The following SCAPER variants were observed in gnomAD, a reference collection of about 807,000 sequenced individuals.
The protein encoded by SCAPER is S-phase cyclin A associated protein in the ER, also known as S phase cyclin A-associated protein in the endoplasmic reticulum.
SCAPER carries 98 observed loss-of-function variants against 182.2 expected under a neutral mutation model. That is an observed-to-expected ratio of 0.54 (90% CI 0.46 to 0.64). The LOEUF (loss-of-function observed/expected upper bound fraction) is 0.64, where lower values mean the gene tolerates loss of function less well. Ranked by LOEUF, SCAPER falls within the 30% of genes least tolerant of loss-of-function variation. SCAPER has a pLI of 0.00. For synonymous variants in SCAPER, 605 were observed against 564.6 expected, an observed-to-expected ratio of 1.07 and a Z score of -1.01; for missense variants, 1,432 against 1,690.0, an observed-to-expected ratio of 0.85 and a Z score of 2.68.
chr15:76,804,376 A>G (rs569029745), intron 6 of SCAPER, among the ~76,000 whole-genome samples, 157 bp downstream of exon 6: 9 of 152,346 alleles, frequency 5.9e-5, no homozygotes, highest in Non-Finnish European at 1.0e-4. Flanking sequence ...TAATTACCCA[A>G]TAAATATTTG....
At chr15:76,572,699 C>T (rs1439074746) in intron 23 of SCAPER, among the ~76,000 whole-genome samples, 2 of 152,138 alleles carry the variant, frequency 1.3e-5, no homozygotes, top group African/African-American at 4.8e-5. Flanking sequence ...AATACAAATT[C>T]TCCAGACCCA....
chr15:76,637,807 T>C (rs1476769171), intron 21 of SCAPER, among the ~76,000 whole-genome samples: 1 of 143,128 alleles, frequency 7.0e-6, no homozygotes, highest in African/African-American at 2.5e-5. Flanking sequence ...TGTATGTATA[T>C]ATATATTCCA....
At chr15:76,812,880 T>G (rs1400289336) in intron 5 of SCAPER, among the ~76,000 whole-genome samples, 3 of 145,656 alleles carry the variant, frequency 2.1e-5, no homozygotes, top group African/African-American at 7.4e-5. Flanking sequence ...TTAGTATAAA[T>G]CCTTCTTAAA....
intron 23 of SCAPER, among the ~76,000 whole-genome samples, chr15:76,522,894 G>C (rs1377315759): frequency 1.3e-5 from 2 of 152,008 alleles, no homozygotes; most frequent in Non-Finnish European, 2.9e-5. Context: ...ATATGTTTCT[G>C]ACAAGTGATT....
At position 76,479,454 on chromosome 15, in the gene SCAPER, G is replaced by C. The variant is rs1002833135; in HGVS notation, c.2955-8119C>G. On this transcript the variant is annotated intron_variant, in intron 24 of 31. Transcript: ENST00000563290. ...CTGTCAAAAGTACCCTGTGGTTGGG[G>C]GTTTGAGATAAAGGCTTTCTGCTCC... 7.2e-4 allele frequency among the ~76,000 whole-genome samples: 109 copies of C among 152,208 alleles called. 1 individual carries two copies. Among genetic ancestry groups the C allele is most frequent in the Middle Eastern group, 6.8e-3 (2 of 294 alleles).
At chr15:76,868,922 G>C (rs897124116) in intron 2 of SCAPER, among the ~76,000 whole-genome samples, 2 of 152,156 alleles carry the variant, frequency 1.3e-5, no homozygotes, top group South Asian at 2.1e-4. Flanking sequence ...CAAACACACA[G>C]ACCAATGGAA....
chr15:76,667,454 T>C (rs745547036), intron 20 of SCAPER, among the ~76,000 whole-genome samples: 1 of 151,998 alleles, frequency 6.6e-6, no homozygotes, highest in Non-Finnish European at 1.5e-5. Flanking sequence ...GTATTACTCA[T>C]ACATAGAAAA....
rs146047853 is a variant in SCAPER at position 76,623,655 on chromosome 15, T to C, written c.2646-1826A>G. On this transcript the variant is annotated intron_variant, in intron 21 of 31. Transcript: ENST00000563290. The stretch of plus-strand genomic sequence containing the variant: ...TGCTCTCTTGGTTACTGTAGACTTA[T>C]AGTATAGTTTGAAATTGGGTAATGT... Among the ~76,000 whole-genome samples the C allele has an allele frequency of 5.1e-3, 778 of 152,332 alleles. 6 individuals carry two copies. The highest frequency in any genetic ancestry group is 8.5e-3 in the South Asian group (41 of 4,828).
At chr15:76,859,547 A>C (rs531518682) in intron 3 of SCAPER, among the ~76,000 whole-genome samples, 1 of 152,350 alleles carries the variant, frequency 6.6e-6, no homozygotes, top group Non-Finnish European at 1.5e-5. Flanking sequence ...TATTGTAGTC[A>C]TAAAACAAGA....
intron 21 of SCAPER, among the ~76,000 whole-genome samples, chr15:76,634,330 G>C (rs760014722): frequency 5.9e-5 from 9 of 152,178 alleles, no homozygotes; most frequent in Non-Finnish European, 1.0e-4. Flanking sequence ...GTCCCAATGA[G>C]AGAATCTTGG....
At chr15:76,595,606 C>G (rs940564642) in intron 22 of SCAPER, among the ~76,000 whole-genome samples, 1 of 121,810 alleles carries the variant, frequency 8.2e-6, no homozygotes, top group African/African-American at 2.5e-5. Context: ...GAAATCATAA[C>G]AAACAGTCTC....
At position 76,854,023 on chromosome 15, in the gene SCAPER, C is replaced by T. The variant is rs149877240; in HGVS notation, c.195+3786G>A. Among the ~76,000 whole-genome samples, 412 of 152,252 alleles carry T rather than the reference C, an allele frequency of 2.7e-3. 18 individuals are homozygous for T. The East Asian group carries it at 0.074, about 27-fold the overall frequency. Reference sequence around the variant, plus strand: ...ACTAGCATTCTTCCTGTAATCCCAGCACTTTGGGAGGCCGAGGCAGGCGGA... The same window carrying T: ...ACTAGCATTCTTCCTGTAATCCCAGTACTTTGGGAGGCCGAGGCAGGCGGA... On this transcript the variant is annotated intron_variant, in intron 4 of 31. Coordinates refer to ENST00000563290, the MANE Select transcript of SCAPER (RefSeq NM_020843.4).
At chr15:76,890,847 C>T (rs1055965817) in intron 1 of SCAPER, among the ~76,000 whole-genome samples, 9 of 152,154 alleles carry the variant, frequency 5.9e-5, no homozygotes, top group African/African-American at 1.9e-4. Flanking sequence ...ATACCAAAGC[C>T]TGGCAGAGAC....
At chr15:76,595,091 A>C (rs1426441884) in intron 22 of SCAPER, among the ~76,000 whole-genome samples, 1 of 121,014 alleles carries the variant, frequency 8.3e-6, no homozygotes, top group Non-Finnish European at 2.0e-5. Flanking sequence ...CCATCTCACA[A>C]GCAAAGACAA....
At chr15:76,882,585 A>G (rs150669195) in intron 2 of SCAPER, among the ~76,000 whole-genome samples, 99 of 152,366 alleles carry the variant, frequency 6.5e-4, no homozygotes, top group African/African-American at 2.2e-3. Context: ...ATGAAAAATC[A>G]AAACCTTAGA....
intron 22 of SCAPER, among the ~76,000 whole-genome samples, chr15:76,593,515 C>A (rs2049282732): frequency 8.2e-6 from 1 of 121,388 alleles, no homozygotes; most frequent in South Asian, 2.6e-4. Context: ...GATCCCCATG[C>A]CTCCTGACTG....
chr15:76,864,636 C>A (rs1269820149), intron 2 of SCAPER, among the ~76,000 whole-genome samples: 1 of 151,842 alleles, frequency 6.6e-6, no homozygotes, highest in Non-Finnish European at 1.5e-5. Context: ...AAAAAAGTCA[C>A]TATAGTACAC....
At chr15:76,800,397 A>C in intron 6 of SCAPER, 33 bp from the exon 7 acceptor site, 2 of 1,328,334 alleles carry the variant, frequency 1.5e-6, no homozygotes, top group South Asian at 1.2e-5. Flanking sequence ...AGATTAAATT[A>C]ACAGAGAAAA....
At chr15:76,788,675 T>G (rs2064789260) in intron 8 of SCAPER, among the ~76,000 whole-genome samples, 1 of 152,212 alleles carries the variant, frequency 6.6e-6, no homozygotes, top group Non-Finnish European at 1.5e-5. Context: ...ACTTCATAGA[T>G]ACGGACTTTG....
Sources: gnomAD v4.1 joint callset for allele counts (sites outside exome capture counted in the v4.1 genomes callset) on GRCh38, gnomAD v4.1.1 for gene constraint, MANE v1.5 for transcripts, NCBI Gene and HGNC (gene_info 2026-07-23, HGNC 2026-07-21) for gene names.